The following PJA2 variants were observed in gnomAD, a reference collection of about 807,000 sequenced individuals.
The protein encoded by PJA2 is praja ring finger ubiquitin ligase 2.
In PJA2, 25 loss-of-function variants were observed where a neutral mutation model predicts 69.3. That is an observed-to-expected ratio of 0.36 (90% CI 0.26 to 0.50). The LOEUF is 0.50. PJA2 is among the 20% of genes least tolerant of loss of function. The pLI is 0.96. For synonymous variants in PJA2, 308 were observed against 277.8 expected (o/e 1.11, Z -1.08); for missense variants, 809 against 830.2 (o/e 0.97, Z 0.31).
At chr5:109,374,716 T>C (rs566271246) in intron 4 of PJA2, among the ~76,000 whole-genome samples, 3 of 152,348 alleles carry the variant, frequency 2.0e-5, no homozygotes. Context: ...TTTTAAATTT[T>C]AAGCAAAGTT....
At chr5:109,400,257 C>T (rs1417396693) in intron 1 of PJA2, among the ~76,000 whole-genome samples, 1 of 150,476 alleles carries the variant, frequency 6.6e-6, no homozygotes, top group Non-Finnish European at 1.5e-5. Flanking sequence ...CACCACTGCA[C>T]TCCAGTCTGG....
chr5:109,338,377 T>C (rs1038568857), intron 9 of PJA2, among the ~76,000 whole-genome samples: 4 of 152,178 alleles, frequency 2.6e-5, no homozygotes, highest in African/African-American at 9.7e-5. Context: ...CGGTGGCTCA[T>C]GCCTGTAATC....
intron 6 of PJA2, among the ~76,000 whole-genome samples, chr5:109,360,372 TAAAC>T (rs1322548444): frequency 6.6e-6 from 1 of 152,118 alleles, no homozygotes; most frequent in Non-Finnish European, 1.5e-5. Context: ...TGAAAACAAG[TAAAC>T]AAACTTGATA....
chr5:109,397,463 G>A (rs1282967496), intron 1 of PJA2, among the ~76,000 whole-genome samples: 1 of 151,284 alleles, frequency 6.6e-6, no homozygotes, highest in Non-Finnish European at 1.5e-5. Context: ...CAAGGGAAAT[G>A]AATGAAACCC....
At chr5:109,368,014 G>A (rs1230123589) in intron 5 of PJA2, among the ~76,000 whole-genome samples, 2 of 152,138 alleles carry the variant, frequency 1.3e-5, no homozygotes, top group African/African-American at 4.8e-5. Context: ...AACAAAGACT[G>A]GACACAAAGC....
At chr5:109,391,545 A>C (rs1045759769) in intron 1 of PJA2, among the ~76,000 whole-genome samples, 1 of 151,718 alleles carries the variant, frequency 6.6e-6, no homozygotes, top group Non-Finnish European at 1.5e-5. Flanking sequence ...CCTGGCTTCC[A>C]CAGTTTCCAT....
intron 7 of PJA2, among the ~76,000 whole-genome samples, chr5:109,349,386 G>C (rs1762215790): frequency 6.6e-6 from 1 of 152,158 alleles, no homozygotes; most frequent in African/African-American, 2.4e-5. Context: ...GTCCCAGTGT[G>C]CTTGCTTGAC....
chr5:109,398,441 C>T (rs1476543769), intron 1 of PJA2, among the ~76,000 whole-genome samples: 3 of 152,024 alleles, frequency 2.0e-5, no homozygotes, highest in Admixed American at 2.0e-4. Context: ...CAATACTATG[C>T]AGCCATAAAA....
intron 7 of PJA2, among the ~76,000 whole-genome samples, chr5:109,345,179 G>GT (rs1762152527): frequency 4.2e-5 from 2 of 47,534 alleles, no homozygotes; most frequent in South Asian, 1.3e-3. Flanking sequence ...CCCGTCTCTA[G>GT]TAAAAAAAAA....
intron 5 of PJA2, 36 bp downstream of exon 5, chr5:109,368,525 A>G (rs1762622501): frequency 1.9e-6 from 3 of 1,561,010 alleles, no homozygotes; most frequent in African/African-American, 1.4e-5. Context: ...ACTCTTGTAC[A>G]ATATACAGAA....
intron 1 of PJA2, among the ~76,000 whole-genome samples, chr5:109,395,930 G>A (rs1245443616): frequency 6.6e-6 from 1 of 151,210 alleles, no homozygotes; most frequent in East Asian, 2.0e-4. Flanking sequence ...AACCCGGGAG[G>A]CAGAGATTGC....
intron 2 of PJA2, among the ~76,000 whole-genome samples, chr5:109,383,088 G>C (rs1272107537): frequency 2.6e-5 from 4 of 152,132 alleles, no homozygotes; most frequent in East Asian, 3.8e-4. Flanking sequence ...AAAATTAAGT[G>C]TTGGATAACT....
intron 4 of PJA2, among the ~76,000 whole-genome samples, chr5:109,372,777 T>C (rs1277987820): frequency 6.6e-6 from 1 of 151,500 alleles, no homozygotes; most frequent in Non-Finnish European, 1.5e-5. Flanking sequence ...TGGTGGCGCA[T>C]GCCTGTAATC....
chr5:109,406,871 G>A (rs1284991259), intron 1 of PJA2, among the ~76,000 whole-genome samples: 3 of 152,084 alleles, frequency 2.0e-5, no homozygotes, highest in Admixed American at 6.6e-5. Context: ...ATGAGAACCC[G>A]TTAAATACAG....
rs183972326 is a variant in PJA2, at chr5:109,364,489, G to C, written c.1470-1467C>G. ...ATACAAAAAATTAGCCGGGCGTAGT[G>C]GCGGGCGCCTGTAGTCCCAGCTACT... On this transcript the variant is annotated intron_variant, in intron 5 of 9. Transcript: ENST00000361189. Among the ~76,000 whole-genome samples the C allele has an allele frequency of 4.5e-3, 681 of 150,796 alleles. 6 individuals carry two copies. Among genetic ancestry groups the C allele is most frequent in the African/African-American group, 0.014 (589 of 41,220 alleles).
At chr5:109,357,371 G>A (rs1293723918) in intron 6 of PJA2, among the ~76,000 whole-genome samples, 4 of 152,168 alleles carry the variant, frequency 2.6e-5, no homozygotes, top group Non-Finnish European at 5.9e-5. Context: ...AAGAGACACA[G>A]AAATGGTTCT....
chr5:109,378,508 C>T lies in PJA2; in HGVS notation c.979G>A (p.Val327Met), dbSNP rs1267434701. The part of the protein sequence containing the change: ...KVRKLISSSQ[V>M]DQETGFNRHE... ...CTATTAAAACCTGTTTCTTGGTCCA[C>T]CTGGCTTGAACTTATCAGTTTTCTA... The change falls in exon 4 of 10, where the codon GTG becomes ATG. Residue 327 changes from valine (V) to methionine (M), a missense_variant. By Grantham distance (21) the Val-to-Met change is conservative. Around this residue, in one of 4 missense-constraint regions of PJA2, gnomAD observed 700 missense variants for 639.5 expected, o/e 1.09. Coordinates refer to ENST00000361189, the MANE Select transcript of PJA2 (RefSeq NM_014819.5). 2 of 1,614,150 alleles carry T rather than the reference C, an allele frequency of 1.2e-6. No individual in the cohort carries two copies. Among genetic ancestry groups the T allele is most frequent in the Non-Finnish European group, 1.7e-6 (2 of 1,180,018 alleles).
rs1561356360 is a variant in PJA2, at chr5:109,378,258, G to T, written c.1229C>A (p.Thr410Asn). ...ATAGRQEVDNTFWNGCGDYYQ... is the reference protein window; with the variant it reads ...ATAGRQEVDNNFWNGCGDYYQ... ...ATAATCTCCACAGCCATTCCAAAAG[G>T]TGTTATCCACCTCTTGCCTTCCTGC... Residue 410 changes from threonine (T) to asparagine (N), a missense_variant, in exon 4 of 10, where the codon ACC becomes AAC. Transcript: ENST00000361189. 2 of 1,613,804 alleles carry T rather than the reference G, an allele frequency of 1.2e-6. No homozygotes were observed. The highest frequency in any genetic ancestry group is 4.5e-5 in the East Asian group (2 of 44,868).
At chr5:109,352,586 C>T (rs1423079726) in intron 7 of PJA2, among the ~76,000 whole-genome samples, 1 of 152,042 alleles carries the variant, frequency 6.6e-6, no homozygotes, top group Non-Finnish European at 1.5e-5. Context: ...TTCTTTCTGA[C>T]TTTTTTCCTA....
Sources: gnomAD v4.1 joint callset for allele counts (sites outside exome capture counted in the v4.1 genomes callset) on GRCh38, gnomAD v4.1.1 for gene constraint, gnomAD v4.1.1 regional missense constraint, MANE v1.5 for transcripts, NCBI Gene and HGNC (gene_info 2026-07-23, HGNC 2026-07-21) for gene names.